Variants in ADAM12 observed in about 807,000 individuals in gnomAD.
ADAM12 encodes ADAM metallopeptidase domain 12.
A neutral mutation model predicts 106.4 loss-of-function variants in ADAM12; 70 were observed. The observed-to-expected ratio is 0.66, with a 90% confidence interval of 0.54 to 0.80. The LOEUF (loss-of-function observed/expected upper bound fraction) is 0.80, where lower values mean the gene tolerates loss of function less well. Ranked by LOEUF, ADAM12 falls within the 30% of genes least tolerant of loss-of-function variation. The pLI, the probability that ADAM12 is intolerant of heterozygous loss-of-function variation, is 0.00. For synonymous variants in ADAM12, 420 were observed against 433.5 expected (o/e 0.97, Z 0.39); for missense variants, 1,010 against 1,171.9 (o/e 0.86, Z 2.02).
At chr10:126,069,450 G>A (rs1001999507) in intron 12 of ADAM12, among the ~76,000 whole-genome samples, 26 of 152,212 alleles carry the variant, frequency 1.7e-4, no homozygotes, top group Admixed American at 1.6e-3. Context: ...CTGCATGCAA[G>A]CAGTTTGGCT....
chr10:126,139,756 A>T (rs1255205559), intron 4 of ADAM12, among the ~76,000 whole-genome samples: 1 of 152,184 alleles, frequency 6.6e-6, no homozygotes, highest in Admixed American at 6.5e-5. Flanking sequence ...AGAAGCTGCC[A>T]TCTTCAATAA....
At chr10:126,195,055 A>G (rs1441838406) in intron 3 of ADAM12, among the ~76,000 whole-genome samples, 1 of 152,084 alleles carries the variant, frequency 6.6e-6, no homozygotes, top group Non-Finnish European at 1.5e-5. Flanking sequence ...TTATATGTAG[A>G]ATCTTAAAAA....
At chr10:126,382,377 G>A (rs754594167) in intron 1 of ADAM12, among the ~76,000 whole-genome samples, 7 of 152,234 alleles carry the variant, frequency 4.6e-5, no homozygotes, top group Non-Finnish European at 7.3e-5. Flanking sequence ...GAATCGTGAA[G>A]GTGGGTTAGC....
intron 3 of ADAM12, among the ~76,000 whole-genome samples, chr10:126,167,785 C>T (rs991476598): frequency 1.5e-4 from 23 of 152,202 alleles, no homozygotes; most frequent in Non-Finnish European, 3.2e-4. Flanking sequence ...GCTCATTAAG[C>T]ATCCACATGG....
intron 3 of ADAM12, 87 bp from the exon 4 acceptor site, chr10:126,155,392 G>A: frequency 8.5e-7 from 1 of 1,182,020 alleles, no homozygotes; most frequent in Admixed American, 2.4e-5. Flanking sequence ...AGGGTAGCAA[G>A]ATTGTGACCT....
At chr10:126,295,975 GCAAT>G (rs976527180) in intron 2 of ADAM12, among the ~76,000 whole-genome samples, 5 of 151,588 alleles carry the variant, frequency 3.3e-5, no homozygotes, top group African/African-American at 7.3e-5. Context: ...GGTAAATCAG[GCAAT>G]CAGGCATCTA....
chr10:126,302,137 G>A (rs779317397), intron 2 of ADAM12, among the ~76,000 whole-genome samples: 6 of 152,098 alleles, frequency 3.9e-5, no homozygotes, highest in Non-Finnish European at 8.8e-5. Context: ...TAATCGTTTG[G>A]CTTTCTCTCT....
chr10:126,152,326 G>T lies in ADAM12; in HGVS notation c.339+2901C>A, dbSNP rs374092205. Among the ~76,000 whole-genome samples, 135 of 151,972 alleles carry T rather than the reference G, an allele frequency of 8.9e-4. 3 individuals are homozygous for T. In the South Asian group the frequency reaches 0.027, roughly 31 times the overall value. On this transcript the variant is annotated intron_variant, in intron 4 of 22. Transcript: ENST00000448723. ...TCAGAAATCCTTTAATTAGGAGCTG[G>T]GCTAAAGCTTAGTTCTAGATGAATC...
intron 16 of ADAM12, among the ~76,000 whole-genome samples, chr10:126,048,152 G>T (rs1954376786): frequency 6.6e-6 from 1 of 152,170 alleles, no homozygotes; most frequent in South Asian, 2.1e-4. Context: ...AGAGTAGAGG[G>T]TGAATGAGGG....
At chr10:126,224,538 G>T (rs1178841831) in intron 3 of ADAM12, among the ~76,000 whole-genome samples, 1 of 152,140 alleles carries the variant, frequency 6.6e-6, no homozygotes, top group Non-Finnish European at 1.5e-5. Context: ...TGGACTCTTG[G>T]GGAGGGGCCT....
At chr10:126,094,162 A>G (rs767356475) in intron 10 of ADAM12, 29 bp from the exon 11 acceptor site, 2 of 1,605,978 alleles carry the variant, frequency 1.2e-6, no homozygotes, top group Middle Eastern at 1.7e-4. Flanking sequence ...GTACAGGTGT[A>G]TAATTCATAT....
chr10:126,339,657 C>G lies in ADAM12; in HGVS notation c.89-9148G>C, dbSNP rs763277916. Among the ~76,000 whole-genome samples, 3 of 152,050 alleles carry G rather than the reference C, an allele frequency of 2.0e-5. No homozygotes were observed. In the South Asian group the frequency reaches 6.2e-4, roughly 32 times the overall value. ...TCAAGAGAACATGAATGTGAAAACC[C>G]CAAGGCAGTAGAGTGCTTTGTGGGT... On this transcript the variant is annotated intron_variant, in intron 1 of 22. Coordinates refer to ENST00000448723, the MANE Select transcript of ADAM12 (RefSeq NM_001288973.2).
At chr10:126,159,045 C>T (rs1203105394) in intron 3 of ADAM12, among the ~76,000 whole-genome samples, 2 of 152,158 alleles carry the variant, frequency 1.3e-5, no homozygotes, top group Non-Finnish European at 2.9e-5. Flanking sequence ...CACAGTGGCT[C>T]ACGCCTGTAA....
At chr10:126,384,717 A>G (rs1856601581) in intron 1 of ADAM12, among the ~76,000 whole-genome samples, 1 of 152,198 alleles carries the variant, frequency 6.6e-6, no homozygotes, top group Admixed American at 6.5e-5. Context: ...CCAAAAACCA[A>G]GTATTCTCCC....
At chr10:126,050,575 G>A (rs1954455390) in intron 14 of ADAM12, among the ~76,000 whole-genome samples, 1 of 152,216 alleles carries the variant, frequency 6.6e-6, no homozygotes, top group Non-Finnish European at 1.5e-5. Context: ...ACACTCCAGA[G>A]CCTCACTCTG....
chr10:126,256,156 G>A (rs1958888576), intron 3 of ADAM12, among the ~76,000 whole-genome samples: 1 of 152,096 alleles, frequency 6.6e-6, no homozygotes, highest in Non-Finnish European at 1.5e-5. Context: ...GGCAACTTTG[G>A]TTTTTGCTCC....
intron 11 of ADAM12, among the ~76,000 whole-genome samples, chr10:126,087,020 G>A (rs528016822): frequency 2.6e-5 from 2 of 77,304 alleles, no homozygotes; most frequent in African/African-American, 6.4e-5. Context: ...GTGACAGAGC[G>A]AGGCTCAGCT....
chr10:126,197,975 G>C (rs1169225389), intron 3 of ADAM12, among the ~76,000 whole-genome samples: 1 of 152,184 alleles, frequency 6.6e-6, no homozygotes, highest in Non-Finnish European at 1.5e-5. Flanking sequence ...GAAGGGACTG[G>C]GGCTTCAATG....
intron 3 of ADAM12, among the ~76,000 whole-genome samples, chr10:126,225,506 C>A (rs754195253): frequency 6.6e-6 from 1 of 152,188 alleles, no homozygotes; most frequent in Non-Finnish European, 1.5e-5. Flanking sequence ...CCTGCCCGAT[C>A]ATTTGGAAAA....
Sources: allele counts gnomAD v4.1 joint callset (sites outside exome capture counted in the v4.1 genomes callset), GRCh38; gene constraint gnomAD v4.1.1; transcripts MANE v1.5; gene names NCBI Gene and HGNC (gene_info 2026-07-23, HGNC 2026-07-21).